The following CCL28 variants were observed in gnomAD, a reference collection of about 807,000 sequenced individuals.
The protein encoded by CCL28 is C-C motif chemokine 28.
A neutral mutation model predicts 7.1 loss-of-function variants in CCL28; 4 were observed. The observed-to-expected ratio is 0.56, with a 90% CI of 0.28 to 1.29. The LOEUF is 1.29. Among genes scored for constraint, CCL28 ranks in the 50% most tolerant of loss-of-function variants. The probability of loss-of-function intolerance (pLI) is 0.11; values close to 1 mark genes in which losing one functional copy is unlikely to be tolerated. For synonymous variants in CCL28, 55 were observed against 57.8 expected (o/e 0.95, Z 0.22); for missense variants, 151 against 163.4 (o/e 0.92, Z 0.41).
At chr5:43,393,063 GAAA>G (rs1476713462) in intron 1 of CCL28, among the ~76,000 whole-genome samples, 1 of 151,962 alleles carries the variant, frequency 6.6e-6, no homozygotes, top group Non-Finnish European at 1.5e-5. Flanking sequence ...TTGTGAGTCA[GAAA>G]AAAAGTTTTT....
chr5:43,403,652 T>C (rs987867048), intron 1 of CCL28, among the ~76,000 whole-genome samples: 5 of 152,176 alleles, frequency 3.3e-5, no homozygotes, highest in Non-Finnish European at 5.9e-5. Flanking sequence ...GGAACAAAGC[T>C]GGATGGAAAA....
intron 1 of CCL28, among the ~76,000 whole-genome samples, chr5:43,405,791 G>A (rs922240118): frequency 7.2e-5 from 11 of 152,088 alleles, no homozygotes; most frequent in South Asian, 2.1e-4. Context: ...TCAAATAGAC[G>A]CAATAAAAAA....
intron 1 of CCL28, among the ~76,000 whole-genome samples, chr5:43,405,199 A>G (rs1246516927): frequency 6.6e-6 from 1 of 152,256 alleles, no homozygotes; most frequent in East Asian, 1.9e-4. Flanking sequence ...TCAACAGAAT[A>G]TACGTTCTTC....
chr5:43,369,958 A>T, the CCL28 span, among the ~76,000 whole-genome samples: 2 of 152,180 alleles, frequency 1.3e-5, no homozygotes, highest in African/African-American at 4.8e-5. Flanking sequence ...AAGAGACCAC[A>T]TGGAGAGGAA....
intron 1 of CCL28, among the ~76,000 whole-genome samples, chr5:43,398,476 C>T (rs1740905346): frequency 6.6e-6 from 1 of 152,322 alleles, no homozygotes; most frequent in Non-Finnish European, 1.5e-5. Flanking sequence ...TTGGACCTCT[C>T]TGCTGTATTT....
intron 1 of CCL28, among the ~76,000 whole-genome samples, chr5:43,401,078 G>A (rs1333684143): frequency 2.1e-5 from 3 of 143,184 alleles, no homozygotes; most frequent in Admixed American, 7.1e-5. Flanking sequence ...GCAAGACTCC[G>A]TCTCAAAAAA....
chr5:43,381,831 T>C lies in CCL28; in HGVS notation c.*29A>G. The stretch of plus-strand genomic sequence containing the variant: ...ATCATGGCCAAGTCCACTTGAGGAA[T>C]TGTCTCTGTAGATTTATCTGTAGAC... On this transcript the variant is annotated 3_prime_UTR_variant, in exon 3 of 3. Coordinates refer to ENST00000361115, the MANE Select transcript of CCL28 (RefSeq NM_148672.3). The C allele has an allele frequency of 1.3e-6, 2 of 1,559,912 alleles. No individual in the cohort carries two copies. Among genetic ancestry groups the C allele is most frequent in the East Asian group, 2.3e-5 (1 of 44,176 alleles).
chr5:43,392,813 TA>T (rs1406702931), intron 1 of CCL28, among the ~76,000 whole-genome samples: 2 of 152,210 alleles, frequency 1.3e-5, no homozygotes, highest in African/African-American at 4.8e-5. Flanking sequence ...CCTTGATTTT[TA>T]AAAAATTATT....
intron 2 of CCL28, among the ~76,000 whole-genome samples, chr5:43,386,438 C>A (rs1263624484): frequency 6.6e-6 from 1 of 152,136 alleles, no homozygotes; most frequent in African/African-American, 2.4e-5. Flanking sequence ...CCACCTGAGC[C>A]AATGGAGCCA....
At chr5:43,363,264 C>T in the CCL28 span, among the ~76,000 whole-genome samples, 1 of 152,180 alleles carries the variant, frequency 6.6e-6, no homozygotes, top group African/African-American at 2.4e-5. Flanking sequence ...TCTTTAGCAT[C>T]TTTTATGATG....
chr5:43,406,596 G>T (rs931638198), intron 1 of CCL28, among the ~76,000 whole-genome samples: 1 of 152,212 alleles, frequency 6.6e-6, no homozygotes, highest in African/African-American at 2.4e-5. Context: ...ACAAGACAGG[G>T]ATGCCCTCTC....
chr5:43,398,047 A>G (rs1377366792), intron 1 of CCL28, among the ~76,000 whole-genome samples: 1 of 152,172 alleles, frequency 6.6e-6, no homozygotes, highest in Non-Finnish European at 1.5e-5. Context: ...GAATCGTAGA[A>G]GTGTGTTATT....
At chr5:43,385,151 C>A (rs547409180) in intron 2 of CCL28, among the ~76,000 whole-genome samples, 2 of 152,322 alleles carry the variant, frequency 1.3e-5, no homozygotes, top group South Asian at 4.1e-4. Context: ...CCTGCCTCGG[C>A]CTCCCAAAGT....
downstream of CCL28, among the ~76,000 whole-genome samples, chr5:43,373,635 C>T (rs756579140): frequency 8.6e-5 from 13 of 152,034 alleles, no homozygotes; most frequent in Non-Finnish European, 1.6e-4. Context: ...AATTTTAGCC[C>T]TTCTGATTGG....
the CCL28 span, among the ~76,000 whole-genome samples, chr5:43,368,371 G>A: frequency 6.6e-6 from 1 of 152,102 alleles, no homozygotes; most frequent in Non-Finnish European, 1.5e-5. Flanking sequence ...AACAGTTTTG[G>A]CTGGCAGGTG....
At chr5:43,361,672 G>A in the CCL28 span, among the ~76,000 whole-genome samples, 1 of 152,106 alleles carries the variant, frequency 6.6e-6, no homozygotes. Context: ...TATATATGGT[G>A]TAAAGAAGGG....
At chr5:43,409,569 C>G (rs963683536) in intron 1 of CCL28, among the ~76,000 whole-genome samples, 2 of 152,070 alleles carry the variant, frequency 1.3e-5, no homozygotes, top group Non-Finnish European at 2.9e-5. Flanking sequence ...TCGTGGTAAC[C>G]TTCCCTAGCC....
intron 1 of CCL28, among the ~76,000 whole-genome samples, chr5:43,398,276 T>C (rs1740897542): frequency 6.6e-6 from 1 of 152,082 alleles, no homozygotes; most frequent in Non-Finnish European, 1.5e-5. Context: ...AGTGCTGGAG[T>C]GCAGTAGTAC....
intron 1 of CCL28, among the ~76,000 whole-genome samples, chr5:43,390,518 T>G (rs958370182): frequency 3.9e-5 from 6 of 152,228 alleles, no homozygotes; most frequent in African/African-American, 1.4e-4. Context: ...CAGATCCATC[T>G]GGGAATTTCT....
Sources: gnomAD v4.1 joint callset for allele counts (sites outside exome capture counted in the v4.1 genomes callset) on GRCh38, gnomAD v4.1.1 for gene constraint, MANE v1.5 for transcripts, NCBI Gene and HGNC (gene_info 2026-07-23, HGNC 2026-07-21) for gene names.